Variants in ADAM2 observed in about 807,000 individuals in gnomAD.
ADAM2 encodes ADAM metallopeptidase domain 2.
A neutral mutation model predicts 99.3 loss-of-function variants in ADAM2; 101 were observed. That is an observed-to-expected ratio of 1.02 (90% CI 0.87 to 1.20). The LOEUF is 1.20. Among genes scored for constraint, ADAM2 ranks in the 50% most tolerant of loss-of-function variants. The pLI is 0.00. For synonymous variants in ADAM2, 323 were observed against 287.6 expected, an observed-to-expected ratio of 1.12 and a Z score of -1.25; for missense variants, 948 against 878.7, an observed-to-expected ratio of 1.08 and a Z score of -1.00.
intron 15 of ADAM2, among the ~76,000 whole-genome samples, chr8:39,759,588 G>A (rs1392378580): frequency 6.6e-6 from 1 of 152,072 alleles, no homozygotes; most frequent in East Asian, 1.9e-4. Context: ...ATATATTGAG[G>A]AATAAACAAG....
chr8:39,830,226 C>A (rs1805562109), intron 3 of ADAM2, among the ~76,000 whole-genome samples: 1 of 152,076 alleles, frequency 6.6e-6, no homozygotes, highest in African/African-American at 2.4e-5. Context: ...ACCTATTTCC[C>A]AGTTTCCATC....
At position 39,788,754 on chromosome 8, in the gene ADAM2, T is replaced by C. The variant is rs1803581078; in HGVS notation, c.571-14A>G. The C allele has an allele frequency of 5.1e-6, 7 of 1,375,558 alleles. No homozygotes were observed. Among genetic ancestry groups the C allele is most frequent in the South Asian group, 1.5e-5 (1 of 65,384 alleles). 85.2% of individuals were successfully genotyped at this position (1,375,558 alleles called of 1,614,324 possible). On this transcript the variant is annotated splice_polypyrimidine_tract_variant and intron_variant, in intron 7 of 20. Transcript: ENST00000265708. ...CATATGATTATACTGTAAAATATTATTACATTTTAGATATAAATATATATT... is the reference window on the plus strand; with the variant it reads ...CATATGATTATACTGTAAAATATTACTACATTTTAGATATAAATATATATT...
chr8:39,811,653 A>G (rs1804699712), intron 6 of ADAM2, among the ~76,000 whole-genome samples: 1 of 152,230 alleles, frequency 6.6e-6, no homozygotes, highest in Admixed American at 6.5e-5. Context: ...AATCCAGCAT[A>G]TAAACAGAAC....
intron 14 of ADAM2, 81 bp from the exon 15 acceptor site, chr8:39,761,362 A>G: frequency 2.8e-6 from 2 of 709,624 alleles, no homozygotes; most frequent in Non-Finnish European, 4.4e-6. Flanking sequence ...AAATTCTGAA[A>G]GGGTTTAAGA....
chr8:39,794,511 G>A (rs1803853967), intron 7 of ADAM2, among the ~76,000 whole-genome samples: 2 of 152,036 alleles, frequency 1.3e-5, no homozygotes, highest in Non-Finnish European at 2.9e-5. Context: ...AAACTAAAAG[G>A]CAGAAATGAA....
chr8:39,771,897 T>C (rs1461233038), intron 11 of ADAM2, among the ~76,000 whole-genome samples: 1 of 152,084 alleles, frequency 6.6e-6, no homozygotes, highest in African/African-American at 2.4e-5. Flanking sequence ...TTATAGAGTA[T>C]ACACTTTCTG....
At chr8:39,746,895 G>A (rs1325959780) in intron 18 of ADAM2, among the ~76,000 whole-genome samples, 3 of 151,876 alleles carry the variant, frequency 2.0e-5, no homozygotes, top group African/African-American at 4.8e-5. Context: ...AATTTTTTTT[G>A]TGATTTTCTT....
intron 15 of ADAM2, among the ~76,000 whole-genome samples, chr8:39,757,225 G>T (rs1802181929): frequency 6.6e-6 from 1 of 151,106 alleles, no homozygotes; most frequent in South Asian, 2.1e-4. Context: ...AACCCAACTT[G>T]CTCAACTACG....
chr8:39,778,036 T>C (rs1803069141), intron 10 of ADAM2, among the ~76,000 whole-genome samples: 1 of 147,830 alleles, frequency 6.8e-6, no homozygotes, highest in Admixed American at 6.8e-5. Context: ...TAATATATAA[T>C]TTATATATTA....
intron 6 of ADAM2, among the ~76,000 whole-genome samples, chr8:39,809,914 T>C (rs951661533): frequency 1.3e-5 from 2 of 152,096 alleles, no homozygotes; most frequent in African/African-American, 4.8e-5. Context: ...AATGACAGGA[T>C]CAAATTCACA....
At chr8:39,750,750 G>T (rs1262141957) in intron 16 of ADAM2, among the ~76,000 whole-genome samples, 3 of 152,086 alleles carry the variant, frequency 2.0e-5, no homozygotes, top group African/African-American at 7.2e-5. Context: ...TCTCTTGCTG[G>T]TAGTTAAATC....
chr8:39,787,712 T>C (rs1326241562), intron 9 of ADAM2, among the ~76,000 whole-genome samples: 1 of 151,688 alleles, frequency 6.6e-6, no homozygotes, highest in Non-Finnish European at 1.5e-5. Flanking sequence ...TCAATTACTT[T>C]GCTTACTTTT....
chr8:39,770,837 G>T (rs902156721), intron 11 of ADAM2, among the ~76,000 whole-genome samples: 4 of 152,110 alleles, frequency 2.6e-5, no homozygotes, highest in Non-Finnish European at 4.4e-5. Context: ...TGTCAAATCT[G>T]TCTACTTTCT....
intron 9 of ADAM2, among the ~76,000 whole-genome samples, chr8:39,787,387 G>A (rs193160816): frequency 1.3e-5 from 2 of 151,306 alleles, no homozygotes; most frequent in East Asian, 3.9e-4. Context: ...AATGCAACTT[G>A]TTAATGAGCA....
At chr8:39,815,411 A>G (rs1443596684) in intron 6 of ADAM2, among the ~76,000 whole-genome samples, 1 of 152,152 alleles carries the variant, frequency 6.6e-6, no homozygotes, top group East Asian at 1.9e-4. Context: ...AATAATAGAT[A>G]CTCAAATTTA....
At chr8:39,766,107 T>G (rs143787076) in intron 14 of ADAM2, among the ~76,000 whole-genome samples, 2 of 152,202 alleles carry the variant, frequency 1.3e-5, no homozygotes, top group South Asian at 4.1e-4. Context: ...TCATGAAATT[T>G]CCTTATTGTT....
intron 7 of ADAM2, among the ~76,000 whole-genome samples, chr8:39,791,062 A>T (rs1404558051): frequency 2.0e-5 from 3 of 151,710 alleles, no homozygotes; most frequent in African/African-American, 7.3e-5. Context: ...TACAATTTAA[A>T]AAAAAAAAAG....
intron 6 of ADAM2, 120 bp downstream of exon 6, chr8:39,820,882 C>T (rs1224967633): frequency 1.8e-6 from 1 of 564,530 alleles, no homozygotes; most frequent in African/African-American, 1.9e-5. Flanking sequence ...TGTATCCATA[C>T]ATGTGGCTAT....
intron 3 of ADAM2, among the ~76,000 whole-genome samples, chr8:39,832,726 C>A (rs73673828): frequency 0.022 from 3,342 of 152,032 alleles, 128 homozygotes; most frequent in African/African-American, 0.077. Context: ...TTTTATTGTG[C>A]TAGTCACTGA....
Sources: gnomAD v4.1 joint callset for allele counts (sites outside exome capture counted in the v4.1 genomes callset) on GRCh38, gnomAD v4.1.1 for gene constraint, MANE v1.5 for transcripts, NCBI Gene and HGNC (gene_info 2026-07-23, HGNC 2026-07-21) for gene names.